RNF38: variants seen among roughly 807,000 people sequenced by gnomAD.
RNF38 encodes the protein ring finger protein 38.
RNF38 carries 15 observed loss-of-function variants against 67.2 expected under a neutral mutation model. The ratio of observed to expected loss-of-function variants is 0.22; its 90% CI spans 0.15 to 0.34. The LOEUF (loss-of-function observed/expected upper bound fraction) is 0.34. RNF38 is among the 10% of genes least tolerant of loss of function. The pLI, the probability that RNF38 is intolerant of heterozygous loss-of-function variation, is 1.00. For missense variants in RNF38, 524 were observed against 639.9 expected (o/e 0.82, Z 1.95); for synonymous variants, 220 against 218.8 (o/e 1.01, Z -0.05).
At chr9:36,400,378 A>G, upstream of RNF38, 5 of 1,176,682 alleles carry the variant, frequency 4.2e-6, no homozygotes, top group Non-Finnish European at 5.3e-6. Flanking sequence ...TCTGCCGGGC[A>G]GCGGGCCGGC....
chr9:36,390,336 G>A (rs1388249072), intron 2 of RNF38, 131 bp downstream of exon 2: 1 of 734,934 alleles, frequency 1.4e-6, no homozygotes, highest in African/African-American at 1.8e-5. Context: ...AGTCCTCTAA[G>A]AAGAATACTT....
In RNF38 at chr9:36,458,421, G is replaced by A. The variant is rs531227174; in HGVS notation, n.241+28887C>T. On this transcript the variant is annotated intron_variant and non_coding_transcript_variant, in intron 1 of 3. Coordinates refer to the RNF38 transcript ENST00000488058. ...CACGCTGTGAAAGCTTTGTTCTTTT[G>A]CTCTTCACAGTAGATCTTGCTGCTG... is the stretch of plus-strand genomic sequence containing the variant. Among the ~76,000 whole-genome samples the A allele has an allele frequency of 7.2e-5, 11 of 152,260 alleles. No individual in the cohort carries two copies. In the South Asian group the frequency reaches 2.3e-3, roughly 32 times the overall value.
At chr9:36,425,478 G>A (rs1838744889) in intron 1 of RNF38, among the ~76,000 whole-genome samples, 1 of 152,196 alleles carries the variant, frequency 6.6e-6, no homozygotes, top group Non-Finnish European at 1.5e-5. Flanking sequence ...TGGATCACCC[G>A]AGGTTAGGAA....
intron 1 of RNF38, among the ~76,000 whole-genome samples, chr9:36,432,371 G>A (rs953500375): frequency 6.6e-6 from 1 of 152,070 alleles, no homozygotes; most frequent in African/African-American, 2.4e-5. Flanking sequence ...CAGACCTCGT[G>A]ATCCACCTCC....
exon 1 of RNF38, chr9:36,487,502 G>A (rs1318383265): frequency 1.0e-6 from 1 of 977,494 alleles, no homozygotes; most frequent in Admixed American, 6.3e-5. Flanking sequence ...AAAGTGCGCG[G>A]CGGCGGCGGC....
chr9:36,377,550 C>T (rs753633719), intron 2 of RNF38, among the ~76,000 whole-genome samples: 1 of 152,008 alleles, frequency 6.6e-6, no homozygotes, highest in Admixed American at 6.6e-5. Flanking sequence ...AATTAAAATA[C>T]AAAACACAAA....
chr9:36,404,010 TTAAGAAA>T (rs2134173999), upstream of RNF38, among the ~76,000 whole-genome samples: 1 of 152,342 alleles, frequency 6.6e-6, no homozygotes, highest in Non-Finnish European at 1.5e-5. Context: ...ATTATCCTGT[TTAAGAAA>T]TATTTCCCTT....
intron 9 of RNF38, among the ~76,000 whole-genome samples, chr9:36,348,020 G>C (rs1193867073): frequency 1.3e-5 from 2 of 152,100 alleles, no homozygotes; most frequent in African/African-American, 4.8e-5. Context: ...AGCTTGCAGT[G>C]AGCCGAGATT....
chr9:36,472,962 T>A (rs906724396), intron 1 of RNF38, among the ~76,000 whole-genome samples: 2 of 151,834 alleles, frequency 1.3e-5, no homozygotes, highest in African/African-American at 2.4e-5. Context: ...TAAAACTCTG[T>A]CTCTACTAAT....
chr9:36,419,803 C>A (rs1312203463), intron 2 of RNF38, among the ~76,000 whole-genome samples: 1 of 152,150 alleles, frequency 6.6e-6, no homozygotes, highest in African/African-American at 2.4e-5. Flanking sequence ...GCCTGGGTAA[C>A]AAAGTGCGAC....
upstream of RNF38, chr9:36,401,210 G>A: frequency 4.1e-6 from 4 of 983,378 alleles, no homozygotes; most frequent in South Asian, 1.9e-4. Context: ...GGGCGGGGCG[G>A]GGCGGGGCGG....
intron 1 of RNF38, among the ~76,000 whole-genome samples, chr9:36,451,486 T>G (rs1341359126): frequency 4.4e-5 from 6 of 136,242 alleles, no homozygotes; most frequent in African/African-American, 1.6e-4. Context: ...AAAAAAATTG[T>G]AGTAGTTTTT....
At chr9:36,485,145 G>A (rs998577157) in intron 1 of RNF38, among the ~76,000 whole-genome samples, 1 of 152,136 alleles carries the variant, frequency 6.6e-6, no homozygotes, top group Non-Finnish European at 1.5e-5. Context: ...CTCCAGCCTG[G>A]GTGACAGAGA....
chr9:36,389,781 C>T (rs1564032254), intron 2 of RNF38, among the ~76,000 whole-genome samples: 1 of 152,188 alleles, frequency 6.6e-6, no homozygotes, highest in Non-Finnish European at 1.5e-5. Context: ...GGTTTATACA[C>T]ATTGGCCTGC....
chr9:36,418,721 G>A (rs991249061), intron 2 of RNF38, among the ~76,000 whole-genome samples: 1 of 152,150 alleles, frequency 6.6e-6, no homozygotes, highest in Non-Finnish European at 1.5e-5. Context: ...GGGAGGCGGA[G>A]GTTGCAGTGA....
chr9:36,459,719 C>T (rs1839681232), intron 1 of RNF38, among the ~76,000 whole-genome samples: 1 of 152,082 alleles, frequency 6.6e-6, no homozygotes, highest in Admixed American at 6.6e-5. Flanking sequence ...TCTACCACCA[C>T]TAAATACTAT....
intron 1 of RNF38, among the ~76,000 whole-genome samples, chr9:36,439,790 CAAA>C (rs1156589143): frequency 2.6e-5 from 2 of 76,326 alleles, no homozygotes; most frequent in East Asian, 4.5e-4. Context: ...GACTCTGTCT[CAAA>C]AAAAAAAAAA....
At chr9:36,402,992 G>GTC (rs1280440778), upstream of RNF38, among the ~76,000 whole-genome samples, 1 of 152,030 alleles carries the variant, frequency 6.6e-6, no homozygotes, top group African/African-American at 2.4e-5. Context: ...GTAGAGGCAG[G>GTC]TCTCACTATG....
At chr9:36,472,574 GCTTTGACCTTAGAAGCC>G (rs1379192688) in intron 1 of RNF38, among the ~76,000 whole-genome samples, 2 of 152,096 alleles carry the variant, frequency 1.3e-5, no homozygotes, top group Non-Finnish European at 2.9e-5. Flanking sequence ...ATATAATCTG[GCTTTGACCTTAGAAGCC>G]CATTTTGCCA....
Sources: gnomAD v4.1 joint callset for allele counts (sites outside exome capture counted in the v4.1 genomes callset) on GRCh38, gnomAD v4.1.1 for gene constraint, MANE v1.5 for transcripts, NCBI Gene and HGNC (gene_info 2026-07-23, HGNC 2026-07-21) for gene names.